ATP6V0E1: variants seen among roughly 807,000 people sequenced by gnomAD.
The protein encoded by ATP6V0E1 is ATPase H+ transporting V0 subunit e1.
In ATP6V0E1, 4 loss-of-function variants were observed where a neutral mutation model predicts 11.6. The observed-to-expected ratio is 0.35, with a 90% CI of 0.17 to 0.79. The LOEUF is 0.79. Among genes scored for constraint, ATP6V0E1 ranks in the 30% least tolerant of loss-of-function variants. The probability of loss-of-function intolerance (pLI) is 0.54; values close to 1 mark genes in which losing one functional copy is unlikely to be tolerated. For missense variants in ATP6V0E1, 105 were observed against 100.0 expected (o/e 1.05, Z -0.21); for synonymous variants, 36 against 34.8 (o/e 1.04, Z -0.13).
At chr5:173,000,816 T>C (rs148041128) in intron 2 of ATP6V0E1, among the ~76,000 whole-genome samples, 1,620 of 151,392 alleles carry the variant, frequency 0.011, 30 homozygotes, top group African/African-American at 0.037. Flanking sequence ...TTCTCCTACC[T>C]CAGCCTCCTG....
In ATP6V0E1 at chr5:173,019,933, G is replaced by A. The variant is rs535426024; in HGVS notation, c.153-305G>A. 2.0e-5 allele frequency among the ~76,000 whole-genome samples: 3 copies of A among 152,278 alleles called. No individual in the cohort carries two copies. In the South Asian group the frequency reaches 6.2e-4, roughly 32 times the overall value. On this transcript the variant is annotated intron_variant, in intron 2 of 3. Transcript: ENST00000519374. The stretch of plus-strand genomic sequence containing the variant: ...AGATTAAGTGAAAACGCTTTGAAGC[G>A]AAGATATCATGAATTCAGGAAATCT...
At chr5:172,984,425 T>C (rs796928193) in intron 1 of ATP6V0E1, among the ~76,000 whole-genome samples, 40 of 152,224 alleles carry the variant, frequency 2.6e-4, no homozygotes, top group African/African-American at 9.6e-4. Context: ...CAGAACAAGC[T>C]CCTTCGACAA....
intron 1 of ATP6V0E1, among the ~76,000 whole-genome samples, chr5:172,993,552 T>G (rs980818700): frequency 5.3e-5 from 8 of 150,014 alleles, no homozygotes; most frequent in African/African-American, 2.0e-4. Flanking sequence ...GAGTTAAAAA[T>G]AAAGAAAAAT....
At position 173,034,525 on chromosome 5, in the gene ATP6V0E1, A is replaced by G; in HGVS notation, c.*163A>G. On this transcript the variant is annotated 3_prime_UTR_variant, in exon 4 of 4. Transcript: ENST00000519374. Reference sequence around the variant, plus strand: ...GCACATTTGAATGCCTTATTCTACAATGCAGCGTGTTTTCCTTTGCCTTTT... The same window carrying G: ...GCACATTTGAATGCCTTATTCTACAGTGCAGCGTGTTTTCCTTTGCCTTTT... 1 of 689,214 alleles carries G rather than the reference A, an allele frequency of 1.5e-6. No individual in the cohort carries two copies. The highest frequency in any genetic ancestry group is 2.7e-6 in the Non-Finnish European group (1 of 373,962). The allele number at this position is 689,214 out of a possible 1,614,324, so 42.7% of individuals were successfully genotyped here.
chr5:173,028,165 G>A (rs1236842506), intron 3 of ATP6V0E1, among the ~76,000 whole-genome samples: 1 of 152,250 alleles, frequency 6.6e-6, no homozygotes, highest in Admixed American at 6.5e-5. Flanking sequence ...CAAGCCGGGC[G>A]ATCCCTAATT....
chr5:173,022,402 T>C (rs1756499642), intron 3 of ATP6V0E1, among the ~76,000 whole-genome samples: 2 of 152,220 alleles, frequency 1.3e-5, no homozygotes, highest in South Asian at 2.1e-4. Context: ...ATTTTATCCA[T>C]TGATGATCAT....
chr5:173,002,012 C>T (rs1339872912), intron 2 of ATP6V0E1, among the ~76,000 whole-genome samples: 1 of 152,156 alleles, frequency 6.6e-6, no homozygotes, highest in Non-Finnish European at 1.5e-5. Context: ...ACTATTTTCT[C>T]TCTATAAAAG....
At chr5:173,018,523 A>T (rs1430521798) in intron 2 of ATP6V0E1, among the ~76,000 whole-genome samples, 1 of 152,238 alleles carries the variant, frequency 6.6e-6, no homozygotes, top group East Asian at 1.9e-4. Context: ...GGTCAGCTGG[A>T]TTTTGAGTAG....
chr5:173,017,542 A>AG, intron 2 of ATP6V0E1, among the ~76,000 whole-genome samples: 1 of 141,586 alleles, frequency 7.1e-6, no homozygotes, highest in South Asian at 2.3e-4. Flanking sequence ...CTAAAAAAAA[A>AG]AAAAAAAAAG....
chr5:172,993,934 G>A lies in ATP6V0E1; in HGVS notation c.105-841G>A, dbSNP rs185102503. Among the ~76,000 whole-genome samples, 390 of 152,224 alleles carry A rather than the reference G, an allele frequency of 2.6e-3. 4 individuals are homozygous for A. Among genetic ancestry groups the A allele is most frequent in the African/African-American group, 9.0e-3 (374 of 41,532 alleles). ...GAAATGCTCTTGCTCTTCTTAGGGCGTGGACATGCCTCTTGGAAACCAAAT... is the reference window on the plus strand; with the variant it reads ...GAAATGCTCTTGCTCTTCTTAGGGCATGGACATGCCTCTTGGAAACCAAAT... On this transcript the variant is annotated intron_variant, in intron 1 of 3. Coordinates refer to ENST00000519374, the MANE Select transcript of ATP6V0E1 (RefSeq NM_003945.4).
chr5:173,020,886 G>A (rs369090145), intron 3 of ATP6V0E1: 1 of 519,998 alleles, frequency 1.9e-6, no homozygotes, highest in South Asian at 1.4e-5. Flanking sequence ...AGTGTGCTAA[G>A]CATTCACTTT....
chr5:173,008,452 C>T (rs1459431357), intron 2 of ATP6V0E1, among the ~76,000 whole-genome samples: 1 of 150,832 alleles, frequency 6.6e-6, no homozygotes, highest in Non-Finnish European at 1.5e-5. Context: ...AGGTGCGTGC[C>T]ACACTGCCCA....
chr5:172,998,024 A>G (rs1325177083), intron 2 of ATP6V0E1, among the ~76,000 whole-genome samples: 1 of 151,848 alleles, frequency 6.6e-6, no homozygotes, highest in Non-Finnish European at 1.5e-5. Context: ...TGTGAGGATC[A>G]CCTGAGCCCG....
intron 2 of ATP6V0E1, among the ~76,000 whole-genome samples, chr5:173,006,471 G>GT (rs1462114504): frequency 6.6e-6 from 1 of 152,218 alleles, no homozygotes; most frequent in East Asian, 1.9e-4. Context: ...TTAGCCAGGC[G>GT]TGGTGGTGGG....
intron 3 of ATP6V0E1, among the ~76,000 whole-genome samples, chr5:173,031,066 T>C (rs1039308032): frequency 1.3e-5 from 2 of 152,000 alleles, no homozygotes; most frequent in Admixed American, 1.3e-4. Flanking sequence ...TGCCTCAGGC[T>C]CCCAAGTAGC....
chr5:172,996,165 A>C (rs1756062544), intron 2 of ATP6V0E1, among the ~76,000 whole-genome samples: 1 of 152,216 alleles, frequency 6.6e-6, no homozygotes, highest in Non-Finnish European at 1.5e-5. Flanking sequence ...ATAAAAGAGG[A>C]CCATAACAAA....
At chr5:173,019,203 C>G (rs941600189) in intron 2 of ATP6V0E1, among the ~76,000 whole-genome samples, 2 of 152,154 alleles carry the variant, frequency 1.3e-5, no homozygotes, top group African/African-American at 2.4e-5. Context: ...TGATCCTTAT[C>G]CTCCCAAAGT....
intron 2 of ATP6V0E1, among the ~76,000 whole-genome samples, chr5:173,013,499 C>T (rs548952489): frequency 2.0e-5 from 3 of 147,234 alleles, no homozygotes; most frequent in South Asian, 4.4e-4. Flanking sequence ...GGCGTGAACC[C>T]GGCAGGCGGA....
intron 2 of ATP6V0E1, among the ~76,000 whole-genome samples, chr5:173,019,071 A>G (rs537345626): frequency 3.3e-5 from 5 of 152,244 alleles, no homozygotes; most frequent in Admixed American, 6.5e-5. Flanking sequence ...CTCCCACCTC[A>G]GCCTCCTGGG....
Sources: gnomAD v4.1 joint callset for allele counts (sites outside exome capture counted in the v4.1 genomes callset) on GRCh38, gnomAD v4.1.1 for gene constraint, MANE v1.5 for transcripts, NCBI Gene and HGNC (gene_info 2026-07-23, HGNC 2026-07-21) for gene names.